The following NME7 variants were observed in gnomAD, a reference collection of about 807,000 sequenced individuals.
The protein encoded by NME7 is nucleoside diphosphate kinase 7.
Under a neutral mutation model 49.1 loss-of-function variants are expected in NME7, and 41 were observed. The ratio of observed to expected loss-of-function variants is 0.83; its 90% confidence interval spans 0.65 to 1.08. NME7 has a LOEUF of 1.08. Among genes scored for constraint, NME7 ranks in the 50% least tolerant of loss-of-function variants. NME7 has a pLI of 0.00. For missense variants in NME7, 423 were observed against 463.4 expected, an observed-to-expected ratio of 0.91 and a Z score of 0.80; for synonymous variants, 139 against 150.6, an observed-to-expected ratio of 0.92 and a Z score of 0.56.
intron 7 of NME7, among the ~76,000 whole-genome samples, chr1:169,251,253 G>T (rs551137228): frequency 1.3e-5 from 2 of 151,816 alleles, no homozygotes; most frequent in Non-Finnish European, 2.9e-5. Flanking sequence ...TTTTACTGTT[G>T]TTGCTTTAAA....
intron 1 of NME7, among the ~76,000 whole-genome samples, chr1:169,352,392 AAACATCAAAAAAT>A: frequency 6.6e-6 from 1 of 152,118 alleles, no homozygotes; most frequent in African/African-American, 2.4e-5. Flanking sequence ...TTCTTGTTAA[AAACATCAAAAAAT>A]TGGATATAGA....
At position 169,260,341 on chromosome 1, in the gene NME7, A is replaced by C. The variant is rs1571336075; in HGVS notation, c.755-22654T>G. ...CTTTTCATAGACTTTTCTGAAAGATACTACCTTTTCTTTAGAAATCGTCCC... is the reference window on the plus strand; with the variant it reads ...CTTTTCATAGACTTTTCTGAAAGATCCTACCTTTTCTTTAGAAATCGTCCC... On this transcript the variant is annotated intron_variant, in intron 7 of 11. Coordinates refer to ENST00000367811, the MANE Select transcript of NME7 (RefSeq NM_013330.5). Among the ~76,000 whole-genome samples, 2 of 133,584 alleles carry C rather than the reference A, an allele frequency of 1.5e-5. 1 individual carries two copies. Among genetic ancestry groups the C allele is most frequent in the Non-Finnish European group, 3.5e-5 (2 of 56,800 alleles). The allele number at this position is 133,584 out of a possible 152,430, so 87.6% of individuals were successfully genotyped here. A position where few individuals can be genotyped will look rare whatever the true frequency, so the allele number is the denominator to read the frequency against.
At chr1:169,196,102 G>A (rs116666456) in intron 10 of NME7, among the ~76,000 whole-genome samples, 208 of 152,314 alleles carry the variant, frequency 1.4e-3, no homozygotes, top group African/African-American at 4.6e-3. Context: ...CGAATAAATT[G>A]TGGATGATAT....
chr1:169,145,452 T>C (rs1158702762), intron 11 of NME7, among the ~76,000 whole-genome samples: 1 of 152,186 alleles, frequency 6.6e-6, no homozygotes, highest in East Asian at 1.9e-4. Flanking sequence ...ATTCATTTGT[T>C]GTCATAAGGC....
At chr1:169,230,931 C>T in intron 9 of NME7, 112 bp from the exon 10 acceptor site, 1 of 581,488 alleles carries the variant, frequency 1.7e-6, no homozygotes, top group East Asian at 3.2e-5. Context: ...ACTTCTTCCC[C>T]ACTTATATCC....
In NME7 at chr1:169,324,477, G is replaced by GA; in HGVS notation, c.26dup (p.Ile10HisfsTer6). 1 of 1,610,876 alleles carries GA rather than the reference G, an allele frequency of 6.2e-7. No individual in the cohort carries two copies. Among genetic ancestry groups the GA allele is most frequent in the Non-Finnish European group, 8.5e-7 (1 of 1,177,544 alleles). ...CATTTGGATCATACCACTCTGCAAT[G>GA]AAAACGAATCTTTCACTATGATTCT... On this transcript the variant is annotated frameshift_variant, in exon 2 of 12. Transcript: ENST00000367811. LOFTEE classifies it high-confidence loss of function.
chr1:169,198,226 A>T (rs1042855478), intron 10 of NME7, among the ~76,000 whole-genome samples: 10 of 152,192 alleles, frequency 6.6e-5, no homozygotes, highest in African/African-American at 2.4e-4. Flanking sequence ...GAATATGGAG[A>T]AGTGAGAACC....
rs1358620582 is a variant in NME7 at position 169,340,760 on chromosome 1, G to T, written c.4-16260C>A. Among the ~76,000 whole-genome samples, 3 of 152,216 alleles carry T rather than the reference G, an allele frequency of 2.0e-5. No homozygotes were observed. The East Asian group carries it at 5.8e-4, about 29-fold the overall frequency. On this transcript the variant is annotated intron_variant, in intron 1 of 11. Transcript: ENST00000367811. ...CACTCATGCTATGCTTTAGCAAAGAGACTGGCGGCATTTTGCCTCTGCCTT... is the reference window on the plus strand; with the variant it reads ...CACTCATGCTATGCTTTAGCAAAGATACTGGCGGCATTTTGCCTCTGCCTT...
At chr1:169,330,655 G>C (rs1652220284) in intron 1 of NME7, among the ~76,000 whole-genome samples, 1 of 152,056 alleles carries the variant, frequency 6.6e-6, no homozygotes, top group Non-Finnish European at 1.5e-5. Context: ...CTCCAGTCTG[G>C]TGACAGAGCA....
At chr1:169,148,088 C>T (rs1658811118) in intron 11 of NME7, among the ~76,000 whole-genome samples, 1 of 152,044 alleles carries the variant, frequency 6.6e-6, no homozygotes, top group South Asian at 2.1e-4. Flanking sequence ...CTGCAACCTC[C>T]ACCTCCTGGG....
chr1:169,294,311 A>C (rs1245904176), intron 6 of NME7, among the ~76,000 whole-genome samples: 1 of 152,166 alleles, frequency 6.6e-6, no homozygotes, highest in African/African-American at 2.4e-5. Flanking sequence ...AGGAAGAAAA[A>C]CCAATTAGTA....
At chr1:169,269,942 T>C (rs1649439601) in intron 7 of NME7, among the ~76,000 whole-genome samples, 1 of 133,526 alleles carries the variant, frequency 7.5e-6, no homozygotes. Flanking sequence ...TCTATCTCTC[T>C]CTCTTTTTAA....
At chr1:169,201,457 G>A (rs1448405426) in intron 10 of NME7, among the ~76,000 whole-genome samples, 8 of 152,104 alleles carry the variant, frequency 5.3e-5, no homozygotes, top group Non-Finnish European at 1.0e-4. Flanking sequence ...CTGAAGGTAT[G>A]GAGACTAATT....
intron 10 of NME7, among the ~76,000 whole-genome samples, chr1:169,196,820 C>T (rs191275404): frequency 1.8e-4 from 27 of 152,244 alleles, no homozygotes; most frequent in Admixed American, 1.2e-3. Flanking sequence ...CATACGGCTA[C>T]GCAGCAAGTT....
intron 7 of NME7, among the ~76,000 whole-genome samples, chr1:169,263,874 G>T (rs1558013416): frequency 7.5e-6 from 1 of 132,618 alleles, no homozygotes; most frequent in Admixed American, 7.4e-5. Context: ...CCTAAAAAGA[G>T]AAGCCCATCA....
intron 6 of NME7, among the ~76,000 whole-genome samples, chr1:169,292,816 G>C (rs1650560978): frequency 6.6e-6 from 1 of 152,134 alleles, no homozygotes. Context: ...GCCCAGGTCA[G>C]AACTAGAAGA....
At chr1:169,146,061 A>G (rs1014431251) in intron 11 of NME7, among the ~76,000 whole-genome samples, 9 of 152,150 alleles carry the variant, frequency 5.9e-5, no homozygotes, top group African/African-American at 1.7e-4. Context: ...CTCAATAGGC[A>G]ATTTTTCAAT....
chr1:169,156,806 T>G (rs539040205), intron 11 of NME7, among the ~76,000 whole-genome samples: 46 of 152,304 alleles, frequency 3.0e-4, no homozygotes, highest in Non-Finnish European at 6.3e-4. Context: ...CCAAGATTCT[T>G]TTATCTGAGA....
chr1:169,202,657 T>C (rs1217385349), intron 10 of NME7, among the ~76,000 whole-genome samples: 7 of 152,116 alleles, frequency 4.6e-5, no homozygotes, highest in Non-Finnish European at 8.8e-5. Context: ...AATGTGTCCA[T>C]TGAAGAATGA....
Sources: allele counts gnomAD v4.1 joint callset (sites outside exome capture counted in the v4.1 genomes callset), GRCh38; gene constraint gnomAD v4.1.1; transcripts MANE v1.5; gene names NCBI Gene and HGNC (gene_info 2026-07-23, HGNC 2026-07-21).